Variants in KIAA0513 observed in about 807,000 individuals in gnomAD.
KIAA0513 encodes uncharacterized protein KIAA0513.
In KIAA0513, 39 loss-of-function variants were observed where a neutral mutation model predicts 56.5. The observed-to-expected ratio is 0.69, with a 90% confidence interval of 0.53 to 0.90. The LOEUF (loss-of-function observed/expected upper bound fraction) is 0.90, where lower values mean the gene tolerates loss of function less well. Among genes scored for constraint, KIAA0513 ranks in the 40% least tolerant of loss-of-function variants. KIAA0513 has a pLI of 0.00. For missense variants in KIAA0513, 591 were observed against 535.2 expected, an observed-to-expected ratio of 1.10 and a Z score of -1.03; for synonymous variants, 268 against 215.6, an observed-to-expected ratio of 1.24 and a Z score of -2.13.
chr16:85,083,897 C>T (rs1000287890), intron 10 of KIAA0513, among the ~76,000 whole-genome samples: 4 of 152,280 alleles, frequency 2.6e-5, no homozygotes, highest in Non-Finnish European at 4.4e-5. Flanking sequence ...CCATTATCAT[C>T]CTCTCTGTGT....
intron 10 of KIAA0513, among the ~76,000 whole-genome samples, chr16:85,085,060 C>T (rs984821201): frequency 1.3e-5 from 2 of 152,306 alleles, no homozygotes; most frequent in South Asian, 4.1e-4. Context: ...CCAAGGGAGA[C>T]GTTCCCGTGT....
chr16:85,079,928 ATC>A (rs201174032), intron 8 of KIAA0513, among the ~76,000 whole-genome samples: 2,091 of 152,196 alleles, frequency 0.014, 22 homozygotes, highest in Non-Finnish European at 0.021. Context: ...TGCTGCGTTA[ATC>A]TCTCTGAAGC....
chr16:85,039,329 G>A (rs148158400), intron 1 of KIAA0513, among the ~76,000 whole-genome samples: 1 of 152,304 alleles, frequency 6.6e-6, no homozygotes, highest in African/African-American at 2.4e-5. Context: ...TTGAGATAGG[G>A]TCTCACTCTG....
intron 1 of KIAA0513, among the ~76,000 whole-genome samples, chr16:85,062,958 G>A (rs1406638822): frequency 2.0e-5 from 3 of 152,184 alleles, no homozygotes; most frequent in Non-Finnish European, 4.4e-5. Flanking sequence ...ACTACACACA[G>A]TCACTGCTGT....
intron 1 of KIAA0513, among the ~76,000 whole-genome samples, chr16:85,052,749 T>C (rs1300394185): frequency 6.6e-6 from 1 of 152,190 alleles, no homozygotes; most frequent in Non-Finnish European, 1.5e-5. Context: ...GGGCAGGTGC[T>C]TTTGTCCGTG....
intron 1 of KIAA0513, among the ~76,000 whole-genome samples, chr16:85,051,284 G>C (rs933426374): frequency 4.6e-5 from 7 of 152,116 alleles, no homozygotes; most frequent in African/African-American, 1.7e-4. Context: ...CTTTTTTTCT[G>C]TGAACTGTGA....
chr16:85,050,219 G>A lies in KIAA0513; in HGVS notation c.-172-16681G>A, dbSNP rs566014521. ...AATTAAACAATGACTAAAGGGCAAA[G>A]TGTAAATCCAGGTGCTTGTGTGAGG... On this transcript the variant is annotated intron_variant, in intron 1 of 12. Coordinates refer to ENST00000683363, the MANE Select transcript of KIAA0513 (RefSeq NM_001388359.1). 9.4e-4 allele frequency among the ~76,000 whole-genome samples: 143 copies of A among 152,312 alleles called. No individual in the cohort carries two copies. The Middle Eastern group carries it at 0.02, about 22-fold the overall frequency.
chr16:85,074,880 T>A (rs958906084), intron 4 of KIAA0513, among the ~76,000 whole-genome samples: 3 of 152,220 alleles, frequency 2.0e-5, no homozygotes, highest in Non-Finnish European at 2.9e-5. Context: ...TTCTTTTTTT[T>A]AATTTGCACT....
intron 1 of KIAA0513, among the ~76,000 whole-genome samples, chr16:85,038,905 T>A (rs1015906568): frequency 6.6e-6 from 1 of 152,034 alleles, no homozygotes; most frequent in African/African-American, 2.4e-5. Flanking sequence ...ATTCATGGGC[T>A]CAAGGGCCGC....
intron 1 of KIAA0513, among the ~76,000 whole-genome samples, chr16:85,029,054 C>A (rs963136185): frequency 6.6e-6 from 1 of 152,214 alleles, no homozygotes; most frequent in Non-Finnish European, 1.5e-5. Context: ...TGTCTTCCCC[C>A]CATTTCTCCT....
chr16:85,077,933 C>G (rs1310962487), intron 6 of KIAA0513, among the ~76,000 whole-genome samples: 1 of 152,234 alleles, frequency 6.6e-6, no homozygotes, highest in African/African-American at 2.4e-5. Flanking sequence ...CCTCCATCCC[C>G]TGGCTGGACC....
At chr16:85,064,607 T>G (rs1203678809) in intron 1 of KIAA0513, among the ~76,000 whole-genome samples, 2 of 152,246 alleles carry the variant, frequency 1.3e-5, no homozygotes, top group Non-Finnish European at 2.9e-5. Flanking sequence ...TATGGGATGG[T>G]ACCTTGTGGC....
At chr16:85,077,320 A>AC in intron 5 of KIAA0513, 105 bp from the exon 6 acceptor site, 2 of 1,035,132 alleles carry the variant, frequency 1.9e-6, no homozygotes, top group Non-Finnish European at 2.8e-6. Context: ...AGGCTCCCGT[A>AC]TCCCCACTGC....
chr16:85,077,342 G>A lies in KIAA0513; in HGVS notation c.575-83G>A. 6.7e-6 allele frequency: 9 copies of A among 1,341,926 alleles called. No individual in the cohort carries two copies. The South Asian group carries it at 9.3e-5, about 14-fold the overall frequency. The allele number at this position is 1,341,926 out of a possible 1,614,324, so 83.1% of individuals were successfully genotyped here. On this transcript the variant is annotated intron_variant, in intron 5 of 12. Coordinates refer to ENST00000683363, the MANE Select transcript of KIAA0513 (RefSeq NM_001388359.1). ...CGTATCCCCACTGCACAGGACCCCT[G>A]CGGGGCTCCCTCTGGGCCTCTGCAG...
At chr16:85,086,803 C>T (rs952374637) in intron 11 of KIAA0513, 79 bp downstream of exon 11, 1 of 1,303,672 alleles carries the variant, frequency 7.7e-7, no homozygotes, top group East Asian at 2.5e-5. Flanking sequence ...GTATCACACC[C>T]TGGGGTGTGA....
chr16:85,031,076 G>A (rs951379435), intron 1 of KIAA0513, among the ~76,000 whole-genome samples: 2 of 152,212 alleles, frequency 1.3e-5, no homozygotes, highest in African/African-American at 2.4e-5. Flanking sequence ...CCGCTACAGT[G>A]GTGAATGAAT....
intron 2 of KIAA0513, among the ~76,000 whole-genome samples, chr16:85,070,188 AAAG>A (rs1392433013): frequency 1.1e-5 from 1 of 87,742 alleles, no homozygotes; most frequent in African/African-American, 3.7e-5. Context: ...AAAAAAGAAA[AAAG>A]AAAGAAATTT....
chr16:85,050,630 T>A (rs1030004399), intron 1 of KIAA0513, among the ~76,000 whole-genome samples: 1 of 152,226 alleles, frequency 6.6e-6, no homozygotes, highest in Admixed American at 6.5e-5. Context: ...TGTTGATTTA[T>A]AACCATGGTG....
chr16:85,074,343 TACACACACACACACACACAC>T (rs1555524105), intron 4 of KIAA0513, among the ~76,000 whole-genome samples: 2 of 130,472 alleles, frequency 1.5e-5, no homozygotes, highest in African/African-American at 2.9e-5. Context: ...TATACACACA[TACACACACACACACACACAC>T]ATATATATTT....
Sources: gnomAD v4.1 joint callset for allele counts (sites outside exome capture counted in the v4.1 genomes callset) on GRCh38, gnomAD v4.1.1 for gene constraint, MANE v1.5 for transcripts, NCBI Gene and HGNC (gene_info 2026-07-23, HGNC 2026-07-21) for gene names.